RBMS3: variants seen among roughly 807,000 people sequenced by gnomAD.
RBMS3 encodes RNA-binding motif, single-stranded-interacting protein 3.
RBMS3 carries 27 observed loss-of-function variants against 66.8 expected under a neutral mutation model. The observed-to-expected ratio is 0.40, with a 90% CI of 0.30 to 0.56. The LOEUF is 0.56. Ranked by LOEUF, RBMS3 falls within the 20% of genes least tolerant of loss-of-function variation. The pLI is 0.40. For missense variants in RBMS3, 513 were observed against 549.5 expected, an observed-to-expected ratio of 0.93 and a Z score of 0.66; for synonymous variants, 188 against 183.0, an observed-to-expected ratio of 1.03 and a Z score of -0.22.
intron 5 of RBMS3, among the ~76,000 whole-genome samples, chr3:29,755,919 C>T (rs1002168696): frequency 7.9e-5 from 12 of 152,138 alleles, no homozygotes; most frequent in Admixed American, 7.9e-4. Context: ...AGCAGAAATA[C>T]ACCACTCTCC....
intron 14 of RBMS3, 172 bp downstream of exon 14, chr3:29,991,381 A>G (rs1362225933): frequency 3.4e-5 from 35 of 1,038,042 alleles, no homozygotes; most frequent in Non-Finnish European, 4.1e-6. Context: ...CTTTGGGTGG[A>G]TGGTTCTTCT....
chr3:29,304,363 G>A lies in RBMS3; in HGVS notation c.75+22607G>A, dbSNP rs554158588. 2.0e-5 allele frequency among the ~76,000 whole-genome samples: 3 copies of A among 152,044 alleles called. No individual in the cohort carries two copies. In the East Asian group the frequency reaches 5.9e-4, roughly 30 times the overall value. On this transcript the variant is annotated intron_variant, in intron 1 of 14. Transcript: ENST00000383767. ...TCTAAGTTAAACTGATATTTGGAAT[G>A]AGTGGTAAAACTCTGAGCAAAGATA...
chr3:29,899,251 C>T (rs1182679866), intron 9 of RBMS3, among the ~76,000 whole-genome samples: 1 of 151,756 alleles, frequency 6.6e-6, no homozygotes, highest in East Asian at 1.9e-4. Context: ...CTTACCACAA[C>T]TTTTACCACT....
chr3:29,851,253 T>C (rs928017747), intron 6 of RBMS3, among the ~76,000 whole-genome samples: 2 of 152,208 alleles, frequency 1.3e-5, no homozygotes, highest in Non-Finnish European at 1.5e-5. Context: ...GAATAATGCC[T>C]GGAACATAGT....
At position 29,281,206 on chromosome 3, in the gene RBMS3, C is replaced by CTTTCTTTT. The variant is rs201261690; in HGVS notation, c.-475_-474insTTCTTTTT. ...TTTCTTTCTTTTTCTTTCTTTCTTT[C>CTTTCTTTT]TCTTTCTCTCTCTCTTTTTTCTTTT... On this transcript the variant is annotated 5_prime_UTR_variant, in exon 1 of 15. Transcript: ENST00000383767. 1.1e-5 allele frequency: 1 copy of CTTTCTTTT among 94,338 alleles called. No homozygotes were observed. The highest frequency in any genetic ancestry group is 2.2e-5 in the Non-Finnish European group (1 of 45,622). 5.8% of individuals were successfully genotyped at this position (94,338 alleles called of 1,614,324 possible). A position where few individuals can be genotyped will look rare whatever the true frequency, so the allele number is the denominator to read the frequency against.
At chr3:29,451,138 G>T (rs9872454) in intron 2 of RBMS3, among the ~76,000 whole-genome samples, 45,171 of 152,026 alleles carry the variant, frequency 0.3, 6,824 homozygotes, top group East Asian at 0.36. Context: ...GAATGTTTCT[G>T]ACATCTTATA....
At chr3:29,944,305 G>T (rs764575844) in intron 12 of RBMS3, 51 bp downstream of exon 12, 4 of 1,481,192 alleles carry the variant, frequency 2.7e-6, no homozygotes, top group African/African-American at 1.4e-5. Context: ...AGAGATGGAG[G>T]TTGCCTGGTT....
At chr3:29,829,035 TTTCTTTCTTTC>T in intron 6 of RBMS3, among the ~76,000 whole-genome samples, 1 of 49,318 alleles carries the variant, frequency 2.0e-5, no homozygotes, top group Admixed American at 1.8e-4. Context: ...TCTTTCTTTC[TTTCTTTCTTTC>T]TTTTGTTTTG....
intron 1 of RBMS3, among the ~76,000 whole-genome samples, chr3:29,308,278 G>T (rs1002988602): frequency 6.6e-6 from 1 of 151,806 alleles, no homozygotes; most frequent in African/African-American, 2.4e-5. Flanking sequence ...CACCTGTATG[G>T]TTGGGGACAA....
At chr3:29,554,717 A>C (rs557419807) in intron 3 of RBMS3, among the ~76,000 whole-genome samples, 1 of 152,288 alleles carries the variant, frequency 6.6e-6, no homozygotes, top group South Asian at 2.1e-4. Flanking sequence ...TAACAGCAAG[A>C]TAAAAGGATA....
intron 10 of RBMS3, among the ~76,000 whole-genome samples, chr3:29,935,141 C>CT (rs1015125488): frequency 6.6e-5 from 10 of 152,102 alleles, no homozygotes; most frequent in African/African-American, 2.4e-4. Flanking sequence ...CCAATTCAAG[C>CT]TTTTTAAGTT....
intron 1 of RBMS3, among the ~76,000 whole-genome samples, chr3:29,290,969 G>A (rs1271155475): frequency 6.6e-6 from 1 of 151,784 alleles, no homozygotes; most frequent in Non-Finnish European, 1.5e-5. Context: ...CTGAAACTCT[G>A]TGTCCAAGTA....
intron 3 of RBMS3, among the ~76,000 whole-genome samples, chr3:29,513,655 A>C (rs2044502864): frequency 6.6e-6 from 1 of 151,824 alleles, no homozygotes; most frequent in Non-Finnish European, 1.5e-5. Flanking sequence ...CTATATATAT[A>C]ATAATTTCAT....
intron 6 of RBMS3, among the ~76,000 whole-genome samples, chr3:29,838,402 C>T (rs2058581762): frequency 6.6e-6 from 1 of 151,960 alleles, no homozygotes; most frequent in South Asian, 2.1e-4. Context: ...ATTATTCATT[C>T]ATAACGCTTT....
At chr3:29,440,252 A>G (rs2041567073) in intron 2 of RBMS3, among the ~76,000 whole-genome samples, 1 of 152,184 alleles carries the variant, frequency 6.6e-6, no homozygotes. Context: ...ATTTTATCTA[A>G]CCATTTTGTG....
intron 4 of RBMS3, among the ~76,000 whole-genome samples, chr3:29,703,001 G>A (rs1051354159): frequency 3.9e-5 from 6 of 152,234 alleles, no homozygotes; most frequent in Non-Finnish European, 4.4e-5. Flanking sequence ...AAGTGTTCAT[G>A]TTAGCACTAG....
intron 3 of RBMS3, among the ~76,000 whole-genome samples, chr3:29,495,700 G>C (rs2043722656): frequency 2.6e-5 from 4 of 152,072 alleles, no homozygotes; most frequent in African/African-American, 4.8e-5. Context: ...TTACAGGTGT[G>C]AGCCACTGCG....
chr3:29,346,246 G>A (rs111740866), intron 1 of RBMS3, among the ~76,000 whole-genome samples: 3 of 152,038 alleles, frequency 2.0e-5, no homozygotes, highest in African/African-American at 7.2e-5. Flanking sequence ...ACATAGTAGG[G>A]CCTCAATATT....
At chr3:29,976,105 A>T (rs952412936) in intron 12 of RBMS3, among the ~76,000 whole-genome samples, 1 of 151,630 alleles carries the variant, frequency 6.6e-6, no homozygotes, top group African/African-American at 2.4e-5. Flanking sequence ...TTTAATTTTC[A>T]TTTTAATTTT....
Sources: gnomAD v4.1 joint callset for allele counts (sites outside exome capture counted in the v4.1 genomes callset) on GRCh38, gnomAD v4.1.1 for gene constraint, MANE v1.5 for transcripts, NCBI Gene and HGNC (gene_info 2026-07-23, HGNC 2026-07-21) for gene names.